The following RGP1 variants were observed in gnomAD, a reference collection of about 807,000 sequenced individuals.
RGP1 encodes RGP1 partner of RAB6A GEF complex, also known as RAB6A-GEF complex partner protein 2.
Under a neutral mutation model 44.5 loss-of-function variants are expected in RGP1, and 28 were observed. The ratio of observed to expected loss-of-function variants is 0.63; its 90% confidence interval spans 0.47 to 0.86. RGP1 has a LOEUF of 0.86. Among genes scored for constraint, RGP1 ranks in the 40% least tolerant of loss-of-function variants. The pLI is 0.00. For missense variants in RGP1, 417 were observed against 490.7 expected (o/e 0.85, Z 1.42); for synonymous variants, 212 against 196.7 (o/e 1.08, Z -0.65).
rs1480242757 is a variant in RGP1, at chr9:35,750,317, C to T, written c.191C>T (p.Pro64Leu). The T allele has an allele frequency of 2.5e-6, 4 of 1,613,876 alleles. No homozygotes were observed. The African/African-American group carries it at 4.0e-5, about 16-fold the overall frequency. Reference sequence around the variant, plus strand: ...AGTGAGAGTCGAGTAGCACTGCCTCCTCCTGACTCTAGTCAGCCAGATGTC... The same window carrying T: ...AGTGAGAGTCGAGTAGCACTGCCTCTTCCTGACTCTAGTCAGCCAGATGTC... ...HASESRVALP[P>L]PDSSQPDVQP... is the part of the protein sequence containing the mutation. The change falls in exon 3 of 9, where the codon CCT becomes CTT. Residue 64 changes from proline to leucine, a missense_variant. Coordinates refer to ENST00000378078, the MANE Select transcript of RGP1 (RefSeq NM_001080496.3).
Position 35,755,922 on chromosome 9 carries a change from A to G in RGP1, c.*3048A>G, listed in dbSNP as rs1187646979. 1 of 152,038 alleles carries G rather than the reference A, an allele frequency of 6.6e-6. No individual in the cohort carries two copies. Among genetic ancestry groups the G allele is most frequent in the Non-Finnish European group, 1.5e-5 (1 of 68,006 alleles). The allele number at this position is 152,038 out of a possible 1,614,324, so 9.4% of individuals were successfully genotyped here. A position where few individuals can be genotyped will look rare whatever the true frequency, so the allele number is the denominator to read the frequency against. On this transcript the variant is annotated 3_prime_UTR_variant, in exon 9 of 9. Transcript: ENST00000378078. ...TGTCTAGTTTGAGAAACTGTTCCCA[A>G]TAAGCCTTCTTCCCCCAGATCTGCA...
chr9:35,790,010 G>A, the RGP1 span: 2 of 153,614 alleles, frequency 1.3e-5, no homozygotes, highest in African/African-American at 4.8e-5. Context: ...CAGGAATTTT[G>A]TCATTTTGGA....
rs1291671821 is a variant in RGP1, at chr9:35,758,000, T to C, written c.*5126T>C. Reference sequence around the variant, plus strand: ...AAGTGAGGCTCTCAGATTGGTAATATGGTATTCAGCCTTTTTCTTGTTTGG... The same window carrying C: ...AAGTGAGGCTCTCAGATTGGTAATACGGTATTCAGCCTTTTTCTTGTTTGG... On this transcript the variant is annotated 3_prime_UTR_variant, in exon 9 of 9. Coordinates refer to ENST00000378078, the MANE Select transcript of RGP1 (RefSeq NM_001080496.3). The C allele has an allele frequency of 6.6e-6, 1 of 152,286 alleles. No homozygotes were observed. The highest frequency in any genetic ancestry group is 2.4e-5 in the African/African-American group (1 of 41,478). The allele number at this position is 152,286 out of a possible 1,614,324, so 9.4% of individuals were successfully genotyped here. A position where few individuals can be genotyped will look rare whatever the true frequency, so the allele number is the denominator to read the frequency against.
In RGP1 at chr9:35,751,641, A is replaced by C. The variant is rs1171491413; in HGVS notation, c.649A>C (p.Ser217Arg). 1.2e-6 allele frequency: 2 copies of C among 1,613,890 alleles called. No individual in the cohort carries two copies. Among genetic ancestry groups the C allele is most frequent in the African/African-American group, 1.3e-5 (1 of 74,932 alleles). Residue 217 changes from serine to arginine, a missense_variant, in exon 7 of 9, where the codon AGT becomes CGT. Coordinates refer to ENST00000378078, the MANE Select transcript of RGP1 (RefSeq NM_001080496.3). ...SCRSLHLYNISDGRGKVGTFG... is the reference protein window; with the variant it reads ...SCRSLHLYNIRDGRGKVGTFG... ...ATTCTCCCCAGATCTATACAATATC[A>C]GTGATGGCCGAGGGAAAGTTGGGAC...
chr9:35,753,398 G>A lies in RGP1; in HGVS notation c.*524G>A. ...CAGAGCCCCTTTCAGTGGCCCCTTG[G>A]TCCTCCTAACTAAGCTGTCACCTAC... On this transcript the variant is annotated 3_prime_UTR_variant, in exon 9 of 9. Coordinates refer to ENST00000378078, the MANE Select transcript of RGP1 (RefSeq NM_001080496.3). This position sits in a 1 kb window ranked among gnomAD's most constrained non-coding sequence, Gnocchi z 4.2. 8.6e-7 allele frequency: 1 copy of A among 1,161,150 alleles called. No individual in the cohort carries two copies. Among genetic ancestry groups the A allele is most frequent in the Admixed American group, 2.5e-5 (1 of 39,834 alleles). The allele number at this position is 1,161,150 out of a possible 1,614,324, so 71.9% of individuals were successfully genotyped here.
Position 35,753,160 on chromosome 9 carries a change from G to C in RGP1, c.*286G>C, listed in dbSNP as rs567789321. ...GGGTGTTGGCTGAGCCCCATTCTGG[G>C]TCAGGCCCTCCCCCTTTGCAGGGCA... is the stretch of plus-strand genomic sequence containing the variant. On this transcript the variant is annotated 3_prime_UTR_variant, in exon 9 of 9. Coordinates refer to ENST00000378078, the MANE Select transcript of RGP1 (RefSeq NM_001080496.3). This position sits in a 1 kb window ranked among gnomAD's most constrained non-coding sequence, Gnocchi z 4.2. The C allele has an allele frequency of 6.2e-7, 1 of 1,614,194 alleles. No homozygotes were observed.
chr9:35,785,447 C>T, the RGP1 span, among the ~76,000 whole-genome samples: 5 of 140,430 alleles, frequency 3.6e-5, no homozygotes, highest in Admixed American at 7.3e-5. Flanking sequence ...TTCTGTTTTA[C>T]ATGTACATTT....
the RGP1 span, among the ~76,000 whole-genome samples, chr9:35,774,456 G>A: frequency 4.6e-5 from 7 of 152,342 alleles, no homozygotes; most frequent in South Asian, 2.1e-4. Flanking sequence ...GGCCGGGCGC[G>A]GTGGCTCACG....
the RGP1 span, among the ~76,000 whole-genome samples, chr9:35,776,823 G>T: frequency 6.6e-6 from 1 of 151,360 alleles, no homozygotes; most frequent in Non-Finnish European, 1.5e-5. Context: ...GTGAAACCTC[G>T]TCTCCACTAA....
At chr9:35,772,852 A>G in the RGP1 span, among the ~76,000 whole-genome samples, 3 of 151,970 alleles carry the variant, frequency 2.0e-5, no homozygotes, top group Admixed American at 6.6e-5. Context: ...TGAGCTGCAT[A>G]CTAACTGTGG....
chr9:35,769,662 A>C, the RGP1 span, among the ~76,000 whole-genome samples: 2 of 152,206 alleles, frequency 1.3e-5, 1 homozygote, highest in Non-Finnish European at 2.9e-5. Context: ...TTCAGGCAGA[A>C]GGAACAACGT....
the RGP1 span, among the ~76,000 whole-genome samples, chr9:35,765,181 A>G: frequency 3.9e-5 from 6 of 151,936 alleles, no homozygotes; most frequent in East Asian, 9.7e-4. Flanking sequence ...TTGTATGGAC[A>G]TACAGCAGTT....
Position 35,749,786 on chromosome 9 carries a change from G to C in RGP1, c.31G>C (p.Gly11Arg). The C allele has an allele frequency of 1.2e-6, 2 of 1,613,848 alleles. No homozygotes were observed. Among genetic ancestry groups the C allele is most frequent in the Non-Finnish European group, 8.5e-7 (1 of 1,179,778 alleles). ...TGAAGTGGTAGCAGAGCTCAGCCGG[G>C]GTCCTGTATTTTTGGCTGGGGAGGC... MIEVVAELSR[G>R]PVFLAGEALE... Residue 11 changes from glycine to arginine, a missense_variant, in exon 2 of 9, where the codon GGT becomes CGT. Transcript: ENST00000378078. The surrounding 1 kb of genome is among the most constrained non-coding windows in gnomAD (Gnocchi z 4.4).
At chr9:35,771,321 C>T in the RGP1 span, among the ~76,000 whole-genome samples, 3 of 152,108 alleles carry the variant, frequency 2.0e-5, no homozygotes, top group Non-Finnish European at 4.4e-5. Context: ...CTTCCTTTAC[C>T]CCTTCTGGAG....
chr9:35,749,311 ACGC>A lies in RGP1; in HGVS notation c.-95_-93del, dbSNP rs567841671. The A allele has an allele frequency of 3.2e-4, 166 of 516,672 alleles. No homozygotes were observed. Among genetic ancestry groups the A allele is most frequent in the Middle Eastern group, 6.8e-4 (2 of 2,938 alleles). The allele number at this position is 516,672 out of a possible 1,614,324, so 32.0% of individuals were successfully genotyped here. Reference sequence around the variant, plus strand: ...AAGTCCCGCCTCTACCGCCCAGCGGACGCCGCCGCCGCCGCCGCCGCCGCGTAC... The same window carrying A: ...AAGTCCCGCCTCTACCGCCCAGCGGACGCCGCCGCCGCCGCCGCCGCGTAC... On this transcript the variant is annotated 5_prime_UTR_variant, in exon 1 of 9. Transcript: ENST00000378078. This position sits in a 1 kb window ranked among gnomAD's most constrained non-coding sequence, Gnocchi z 4.4.
Position 35,753,762 on chromosome 9 carries a change from CA to C in RGP1, c.*889del. Reference sequence around the variant, plus strand: ...GGTAAAATATTTCCCCTCATAGTGACAGGGGGCTAGGGAAGAACGGGAAATG... The same window carrying C: ...GGTAAAATATTTCCCCTCATAGTGACGGGGGCTAGGGAAGAACGGGAAATG... On this transcript the variant is annotated 3_prime_UTR_variant, in exon 9 of 9. Coordinates refer to ENST00000378078, the MANE Select transcript of RGP1 (RefSeq NM_001080496.3). The surrounding 1 kb of genome is among the most constrained non-coding windows in gnomAD (Gnocchi z 4.2). 14 of 1,613,510 alleles carry C rather than the reference CA, an allele frequency of 8.7e-6. No individual in the cohort carries two copies. Among genetic ancestry groups the C allele is most frequent in the Non-Finnish European group, 1.1e-5 (13 of 1,179,486 alleles).
chr9:35,788,765 C>A, the RGP1 span, among the ~76,000 whole-genome samples: 1 of 152,164 alleles, frequency 6.6e-6, no homozygotes, highest in African/African-American at 2.4e-5. Flanking sequence ...GCATGGTCAC[C>A]AAATACAGCC....
At position 35,752,010 on chromosome 9, in the gene RGP1, C is replaced by CG. The variant is rs768467313; in HGVS notation, c.818dup (p.Gly274TrpfsTer25). On this transcript the variant is annotated frameshift_variant, in exon 8 of 9. Coordinates refer to ENST00000378078, the MANE Select transcript of RGP1 (RefSeq NM_001080496.3). LOFTEE classifies it high-confidence loss of function. ...TGTACAGCCTGAGTACCAGCGGCGACGTGGGGCAGGGGGTGTCCCCTCTGT... is the reference window on the plus strand; with the variant it reads ...TGTACAGCCTGAGTACCAGCGGCGACGGTGGGGCAGGGGGTGTCCCCTCTGT... 3.1e-6 allele frequency: 5 copies of CG among 1,605,364 alleles called. No homozygotes were observed. Among genetic ancestry groups the CG allele is most frequent in the Non-Finnish European group, 4.3e-6 (5 of 1,175,804 alleles).
intron 8 of RGP1, 92 bp from the exon 9 acceptor site, chr9:35,752,559 T>C (rs886795857): frequency 3.9e-5 from 44 of 1,124,824 alleles, no homozygotes; most frequent in Non-Finnish European, 5.7e-5. Context: ...TGAACACAGA[T>C]TGTTTTCTTC....
Sources: gnomAD v4.1 joint callset for allele counts (sites outside exome capture counted in the v4.1 genomes callset) on GRCh38, gnomAD v4.1.1 for gene constraint, Gnocchi (gnomAD v3.1) non-coding constraint, MANE v1.5 for transcripts, NCBI Gene and HGNC (gene_info 2026-07-23, HGNC 2026-07-21) for gene names.